The following RUVBL1 variants were observed in gnomAD, a reference collection of about 807,000 sequenced individuals.
RUVBL1 encodes the protein RuvB like AAA ATPase 1.
A neutral mutation model predicts 52.4 loss-of-function variants in RUVBL1; 4 were observed. The observed-to-expected ratio is 0.08, with a 90% CI of 0.04 to 0.17. The LOEUF (loss-of-function observed/expected upper bound fraction) is 0.17, where lower values mean the gene tolerates loss of function less well. Among genes scored for constraint, RUVBL1 ranks in the 10% least tolerant of loss-of-function variants. The pLI is 1.00. For missense variants in RUVBL1, 298 were observed against 572.8 expected (o/e 0.52, Z 4.90); for synonymous variants, 217 against 214.4 (o/e 1.01, Z -0.10).
chr3:128,101,662 T>C lies in RUVBL1; in HGVS notation c.514-14A>G. The stretch of plus-strand genomic sequence containing the variant: ...GCTGGGGTCCAGCTAAAAAAAAAAA[T>C]GTAAATCAGAAGTGTAATACATATT... On this transcript the variant is annotated splice_polypyrimidine_tract_variant and intron_variant, in intron 4 of 10. Coordinates refer to ENST00000322623, the MANE Select transcript of RUVBL1 (RefSeq NM_003707.3). 6.3e-7 allele frequency: 1 copy of C among 1,583,132 alleles called. No individual in the cohort carries two copies. The highest frequency in any genetic ancestry group is 8.7e-7 in the Non-Finnish European group (1 of 1,153,874).
chr3:128,122,247 G>A (rs997054445), intron 1 of RUVBL1, among the ~76,000 whole-genome samples: 4 of 152,240 alleles, frequency 2.6e-5, no homozygotes, highest in Non-Finnish European at 4.4e-5. Flanking sequence ...AGGTTAAAGG[G>A]TGTAGGGGTA....
At chr3:128,088,423 C>CTATATTATAGTATAATATAT (rs1942721544) in intron 8 of RUVBL1, among the ~76,000 whole-genome samples, 1 of 147,908 alleles carries the variant, frequency 6.8e-6, no homozygotes, top group Non-Finnish European at 1.5e-5. Flanking sequence ...GTATAATATA[C>CTATATTATAGTATAATATAT]AGTATATACT....
At chr3:128,094,486 T>C (rs918172142) in intron 8 of RUVBL1, among the ~76,000 whole-genome samples, 5 of 152,174 alleles carry the variant, frequency 3.3e-5, no homozygotes, top group African/African-American at 1.2e-4. Flanking sequence ...CCATCCCCGC[T>C]CACAGCCCAG....
rs967274840 is a variant in RUVBL1 at position 128,067,350 on chromosome 3, G to C, written c.940-2130C>G. ...AAAATTGCATTCTTTCATCTGCTCA[G>C]AACTATTTTTGCCTTGATGCTAAAG... On this transcript the variant is annotated intron_variant, in intron 9 of 9. Coordinates refer to the RUVBL1 transcript ENST00000464873. This position sits in a 1 kb window ranked among gnomAD's most constrained non-coding sequence, Gnocchi z 4.1. 2.7e-6 allele frequency: 4 copies of C among 1,500,482 alleles called. No homozygotes were observed. The African/African-American group carries it at 5.6e-5, about 21-fold the overall frequency. 92.9% of individuals were successfully genotyped at this position (1,500,482 alleles called of 1,614,324 possible). A position where few individuals can be genotyped will look rare whatever the true frequency, so the allele number is the denominator to read the frequency against.
intron 3 of RUVBL1, among the ~76,000 whole-genome samples, chr3:128,107,381 C>G (rs1943268726): frequency 6.6e-6 from 1 of 152,140 alleles, no homozygotes; most frequent in Non-Finnish European, 1.5e-5. Context: ...GAGACATAAA[C>G]TAGTTCTGAT....
chr3:128,102,480 T>C (rs977309782), intron 4 of RUVBL1, among the ~76,000 whole-genome samples: 14 of 152,264 alleles, frequency 9.2e-5, no homozygotes, highest in African/African-American at 3.4e-4. Context: ...CTCGAGGTCT[T>C]CATGGAGATC....
chr3:128,086,555 G>A (rs1385471245), intron 9 of RUVBL1, among the ~76,000 whole-genome samples: 2 of 152,218 alleles, frequency 1.3e-5, no homozygotes, highest in African/African-American at 4.8e-5. Flanking sequence ...GGTGGGCAGG[G>A]CAGAGGAAAG....
At chr3:128,133,272 G>T (rs1943907115) in intron 1 of RUVBL1, among the ~76,000 whole-genome samples, 1 of 152,240 alleles carries the variant, frequency 6.6e-6, no homozygotes, top group African/African-American at 2.4e-5. Flanking sequence ...CCAGGCCCCA[G>T]CTCCTGGATG....
chr3:128,130,796 G>A lies in RUVBL1; in HGVS notation c.-39-11382C>T, dbSNP rs569705821. On this transcript the variant is annotated intron_variant, in intron 1 of 9. Transcript: ENST00000464873. Reference sequence around the variant, plus strand: ...CTCCCGAGTAGCTGGGACTACATGCGCCTGCCACCACGCCTGGCTATTTTT... The same window carrying A: ...CTCCCGAGTAGCTGGGACTACATGCACCTGCCACCACGCCTGGCTATTTTT... 4.6e-5 allele frequency among the ~76,000 whole-genome samples: 7 copies of A among 151,714 alleles called. No individual in the cohort carries two copies. The East Asian group carries it at 5.8e-4, about 13-fold the overall frequency.
intron 2 of RUVBL1, among the ~76,000 whole-genome samples, chr3:128,115,956 T>A (rs1413603792): frequency 1.3e-5 from 2 of 151,638 alleles, no homozygotes; most frequent in Admixed American, 6.6e-5. Context: ...CGATACCCCA[T>A]CTCTACGAAA....
downstream of RUVBL1, among the ~76,000 whole-genome samples, chr3:128,077,327 A>T (rs987486052): frequency 6.7e-6 from 1 of 148,836 alleles, no homozygotes; most frequent in African/African-American, 2.5e-5. Flanking sequence ...CCCCCTGCCC[A>T]GGCCTCCCTC....
At chr3:128,123,935 T>A (rs1376581390), upstream of RUVBL1, 2 of 1,233,914 alleles carry the variant, frequency 1.6e-6, no homozygotes, top group African/African-American at 3.1e-5. Flanking sequence ...GTCACCCACT[T>A]CCGTCTGTGT....
chr3:128,075,029 G>A (rs1303421491), intron 9 of RUVBL1: 2 of 152,120 alleles, frequency 1.3e-5, no homozygotes, highest in Admixed American at 6.6e-5. Context: ...TAGATGACAG[G>A]GATATGGGGG....
Position 128,082,762 on chromosome 3 carries a change from C to T in RUVBL1, c.1120-188G>A. On this transcript the variant is annotated intron_variant, in intron 9 of 10. Coordinates refer to ENST00000322623, the MANE Select transcript of RUVBL1 (RefSeq NM_003707.3). The surrounding 1 kb of genome is among the most constrained non-coding windows in gnomAD (Gnocchi z 4.7). ...CCCGGCACCCTCCAGGAGGCATGTG[C>T]GGCCCTGCAGTATGCATGAATAGCA... The T allele has an allele frequency of 3.7e-6, 2 of 547,518 alleles. No individual in the cohort carries two copies. The highest frequency in any genetic ancestry group is 3.3e-6 in the Non-Finnish European group (1 of 304,220). The allele number at this position is 547,518 out of a possible 1,614,324, so 33.9% of individuals were successfully genotyped here. A position where few individuals can be genotyped will look rare whatever the true frequency, so the allele number is the denominator to read the frequency against.
At chr3:128,097,204 C>A in intron 8 of RUVBL1, 96 bp downstream of exon 8, 2 of 1,232,912 alleles carry the variant, frequency 1.6e-6, no homozygotes, top group South Asian at 2.6e-5. Flanking sequence ...TCCCCTCATC[C>A]CTGTCCCACC....
intron 1 of RUVBL1, among the ~76,000 whole-genome samples, chr3:128,149,552 A>C (rs1053492940): frequency 6.6e-6 from 1 of 152,168 alleles, no homozygotes; most frequent in African/African-American, 2.4e-5. Flanking sequence ...TGTTTATAAT[A>C]TTTTGCTACT....
Position 128,091,986 on chromosome 3 carries a change from T to C in RUVBL1, c.1017-4178A>G, listed in dbSNP as rs145483623. Among the ~76,000 whole-genome samples the C allele has an allele frequency of 3.4e-3, 515 of 152,308 alleles. 1 individual carries two copies. The highest frequency in any genetic ancestry group is 0.012 in the African/African-American group (479 of 41,568). On this transcript the variant is annotated intron_variant, in intron 8 of 10. Transcript: ENST00000322623. Reference sequence around the variant, plus strand: ...AGTAAAAACACCTCTCTGGGTAATGTGATGGGTAACTCACCTAATATCCAC... The same window carrying C: ...AGTAAAAACACCTCTCTGGGTAATGCGATGGGTAACTCACCTAATATCCAC...
chr3:128,124,324 C>T (rs565220117), upstream of RUVBL1, among the ~76,000 whole-genome samples: 10 of 152,100 alleles, frequency 6.6e-5, no homozygotes, highest in South Asian at 2.1e-3. Context: ...AGATAAGGTT[C>T]CTGCTGAGTT....
At chr3:128,066,393 G>T (rs1941978841) in intron 9 of RUVBL1, among the ~76,000 whole-genome samples, 1 of 152,038 alleles carries the variant, frequency 6.6e-6, no homozygotes, top group African/African-American at 2.4e-5. Context: ...AAAAAAAGTG[G>T]GGGTGGGGAT....
Sources: allele counts gnomAD v4.1 joint callset (sites outside exome capture counted in the v4.1 genomes callset), GRCh38; gene constraint gnomAD v4.1.1; non-coding constraint Gnocchi (gnomAD v3.1); transcripts MANE v1.5; gene names NCBI Gene and HGNC (gene_info 2026-07-23, HGNC 2026-07-21).